The following RBL1 variants were observed in gnomAD, a reference collection of about 807,000 sequenced individuals.
RBL1 encodes RB transcriptional corepressor like 1.
RBL1 carries 82 observed loss-of-function variants against 123.0 expected under a neutral mutation model. The observed-to-expected ratio is 0.67, with a 90% CI of 0.56 to 0.80. The LOEUF (loss-of-function observed/expected upper bound fraction) is 0.80, where lower values mean the gene tolerates loss of function less well. Ranked by LOEUF, RBL1 falls within the 30% of genes least tolerant of loss-of-function variation. RBL1 has a pLI of 0.00. For missense variants in RBL1, 1,171 were observed against 1,299.6 expected (o/e 0.90, Z 1.52); for synonymous variants, 405 against 441.3 (o/e 0.92, Z 1.03).
chr20:37,056,007 A>C, intron 10 of RBL1, 139 bp downstream of exon 10: 21 of 1,375,148 alleles, frequency 1.5e-5, no homozygotes, highest in Non-Finnish European at 2.0e-5. Flanking sequence ...AGATCATGCC[A>C]TTGCACTCCA....
At chr20:37,048,896 C>T (rs533214856) in intron 11 of RBL1, among the ~76,000 whole-genome samples, 1 of 141,038 alleles carries the variant, frequency 7.1e-6, no homozygotes, top group Non-Finnish European at 1.5e-5. Flanking sequence ...GAGACACCAT[C>T]GTATTAAAAA....
intron 7 of RBL1, among the ~76,000 whole-genome samples, chr20:37,065,054 C>T (rs2065157387): frequency 6.6e-6 from 1 of 151,958 alleles, no homozygotes; most frequent in Non-Finnish European, 1.5e-5. Context: ...ACCTCAACCT[C>T]CCAAGTAGCT....
intron 2 of RBL1, among the ~76,000 whole-genome samples, chr20:37,076,042 G>A (rs1362641221): frequency 6.6e-6 from 1 of 152,092 alleles, no homozygotes. Flanking sequence ...AGGCAATCAT[G>A]GTTGCCTTAG....
At chr20:37,004,517 A>G (rs897761027) in intron 20 of RBL1, among the ~76,000 whole-genome samples, 2 of 149,330 alleles carry the variant, frequency 1.3e-5, no homozygotes, top group Non-Finnish European at 3.0e-5. Flanking sequence ...GTTTGAGACC[A>G]GCCTGGCCAA....
At chr20:37,050,395 A>T (rs755895410) in intron 11 of RBL1, among the ~76,000 whole-genome samples, 13 of 151,590 alleles carry the variant, frequency 8.6e-5, no homozygotes, top group Admixed American at 7.2e-4. Flanking sequence ...ATACAAAAAA[A>T]TTAGCCAGGT....
intron 16 of RBL1, among the ~76,000 whole-genome samples, chr20:37,024,572 T>C (rs917024041): frequency 3.9e-5 from 6 of 152,198 alleles, no homozygotes; most frequent in African/African-American, 1.4e-4. Flanking sequence ...ATAATCGTTA[T>C]AATTTACTCA....
At chr20:37,074,356 G>A (rs548735849) in intron 2 of RBL1, among the ~76,000 whole-genome samples, 16 of 150,292 alleles carry the variant, frequency 1.1e-4, no homozygotes, top group Non-Finnish European at 2.2e-4. Context: ...TGAGAGTGCA[G>A]TGAGCCATGA....
intron 2 of RBL1, among the ~76,000 whole-genome samples, chr20:37,078,119 A>G (rs1230261094): frequency 1.3e-5 from 2 of 152,092 alleles, no homozygotes; most frequent in Non-Finnish European, 2.9e-5. Flanking sequence ...TAGGCTATGT[A>G]TTTTTGACAA....
At chr20:37,034,452 A>G (rs2064569650) in intron 15 of RBL1, among the ~76,000 whole-genome samples, 1 of 152,048 alleles carries the variant, frequency 6.6e-6, no homozygotes. Flanking sequence ...TACATATTGG[A>G]AAGCTCAGAT....
intron 19 of RBL1, among the ~76,000 whole-genome samples, chr20:37,013,336 A>G (rs1261660916): frequency 6.6e-6 from 1 of 151,636 alleles, no homozygotes; most frequent in Non-Finnish European, 1.5e-5. Flanking sequence ...ACTCAGGGTT[A>G]AATGGATTAA....
intron 2 of RBL1, among the ~76,000 whole-genome samples, chr20:37,068,528 A>AT (rs2065220554): frequency 1.4e-5 from 2 of 146,370 alleles, no homozygotes; most frequent in Admixed American, 1.4e-4. Context: ...CCTAAATTTA[A>AT]TTAAAAAAAA....
At chr20:37,058,831 T>C (rs1361893926) in intron 9 of RBL1, among the ~76,000 whole-genome samples, 1 of 151,844 alleles carries the variant, frequency 6.6e-6, no homozygotes, top group East Asian at 1.9e-4. Flanking sequence ...GGTGTGATCA[T>C]GGCTGAGCTC....
At chr20:36,998,971 G>C (rs769485638) in intron 21 of RBL1, 42 bp from the exon 22 acceptor site, 4 of 1,562,278 alleles carry the variant, frequency 2.6e-6, no homozygotes, top group Non-Finnish European at 3.5e-6. Flanking sequence ...AAGAGGGAGA[G>C]GGGAAATGGC....
At chr20:37,003,656 TACTG>T (rs778506931) in intron 21 of RBL1, 42 bp downstream of exon 21, 7 of 1,527,064 alleles carry the variant, frequency 4.6e-6, no homozygotes, top group Admixed American at 2.1e-5. Context: ...GATTAACAGT[TACTG>T]ACTGTTAATC....
intron 11 of RBL1, chr20:37,049,772 G>A (rs948637189): frequency 2.0e-5 from 10 of 511,724 alleles, no homozygotes; most frequent in Non-Finnish European, 3.1e-5. Flanking sequence ...TTTTTAGAGA[G>A]AGAAAAAAGG....
Position 37,040,277 on chromosome 20 carries a change from GA to G in RBL1, c.1778del (p.Phe593SerfsTer19), listed in dbSNP as rs1568848633. On this transcript the variant is annotated frameshift_variant, in exon 14 of 22. Coordinates refer to ENST00000373664, the MANE Select transcript of RBL1 (RefSeq NM_002895.5). LOFTEE classifies it high-confidence loss of function. The part of the protein sequence containing the change: ...NKVPTCEEVI[F>X]PNNFETGNGG... ...CATTTCCTGTTTCAAAGTTATTTGG[GA>G]ATATAACCTGTAGAAAACAAAAACC... is the stretch of plus-strand genomic sequence containing the variant. 1.9e-6 allele frequency: 3 copies of G among 1,613,568 alleles called. No homozygotes were observed. Among genetic ancestry groups the G allele is most frequent in the Non-Finnish European group, 2.5e-6 (3 of 1,179,842 alleles).
At chr20:37,024,019 A>C (rs6124553) in intron 16 of RBL1, among the ~76,000 whole-genome samples, 20,983 of 151,700 alleles carry the variant, frequency 0.14, 2,169 homozygotes, top group East Asian at 0.47. Flanking sequence ...TCCTGAGCTC[A>C]GGTGATCTGC....
rs1316648410 is a variant in RBL1 at position 36,998,172 on chromosome 20, T to G, written c.*587A>C. 1.3e-5 allele frequency: 2 copies of G among 152,074 alleles called. No homozygotes were observed. Among genetic ancestry groups the G allele is most frequent in the African/African-American group, 4.8e-5 (2 of 41,418 alleles). The allele number at this position is 152,074 out of a possible 1,614,324, so 9.4% of individuals were successfully genotyped here. On this transcript the variant is annotated 3_prime_UTR_variant, in exon 22 of 22. Coordinates refer to ENST00000373664, the MANE Select transcript of RBL1 (RefSeq NM_002895.5). ...AGCTAAAAAGTTATGGGGTTTCTCC[T>G]TATTTCATCTTGAAAACTCAAGGAG...
intron 2 of RBL1, among the ~76,000 whole-genome samples, chr20:37,069,355 G>A (rs2065241129): frequency 6.6e-6 from 1 of 151,546 alleles, no homozygotes; most frequent in African/African-American, 2.4e-5. Context: ...AAAGTGAGGA[G>A]CGTCTCCGCC....
Sources: gnomAD v4.1 joint callset for allele counts (sites outside exome capture counted in the v4.1 genomes callset) on GRCh38, gnomAD v4.1.1 for gene constraint, MANE v1.5 for transcripts, NCBI Gene and HGNC (gene_info 2026-07-23, HGNC 2026-07-21) for gene names.